LRBA: variants seen among roughly 807,000 people sequenced by gnomAD.
The protein encoded by LRBA is LPS responsive beige-like anchor protein.
LRBA carries 176 observed loss-of-function variants against 330.0 expected under a neutral mutation model. The observed-to-expected ratio is 0.53, with a 90% confidence interval of 0.47 to 0.60. LRBA has a LOEUF of 0.60. Ranked by LOEUF, LRBA falls within the 20% of genes least tolerant of loss-of-function variation. The pLI, the probability that LRBA is intolerant of heterozygous loss-of-function variation, is 0.00. For synonymous variants in LRBA, 1,230 were observed against 1,193.0 expected, an observed-to-expected ratio of 1.03 and a Z score of -0.64; for missense variants, 3,259 against 3,444.8, an observed-to-expected ratio of 0.95 and a Z score of 1.35.
intron 36 of LRBA, among the ~76,000 whole-genome samples, chr4:150,710,839 T>C (rs1303254269): frequency 6.6e-6 from 1 of 151,926 alleles, no homozygotes; most frequent in Admixed American, 6.6e-5. Flanking sequence ...GAGGCCCTTG[T>C]TTATTAGAAC....
chr4:150,775,809 A>G (rs1157829050), intron 34 of LRBA, among the ~76,000 whole-genome samples: 1 of 123,618 alleles, frequency 8.1e-6, no homozygotes, highest in African/African-American at 3.2e-5. Flanking sequence ...AAGAATGAAA[A>G]AAAAAAAAAA....
At chr4:150,981,268 C>G (rs1164331338) in intron 2 of LRBA, among the ~76,000 whole-genome samples, 1 of 151,912 alleles carries the variant, frequency 6.6e-6, no homozygotes, top group African/African-American at 2.4e-5. Flanking sequence ...AAAAAATTAG[C>G]CAGGTGTGCT....
chr4:150,754,667 C>T (rs4696222), intron 35 of LRBA, among the ~76,000 whole-genome samples: 126,673 of 152,066 alleles, frequency 0.83, 53,994 homozygotes, highest in Non-Finnish European at 0.94. Flanking sequence ...CAGTAACTCA[C>T]GCCTGTAATC....
At chr4:150,674,674 T>C (rs563227575) in intron 37 of LRBA, among the ~76,000 whole-genome samples, 5 of 152,220 alleles carry the variant, frequency 3.3e-5, no homozygotes, top group African/African-American at 1.2e-4. Flanking sequence ...GCCAGCAGTT[T>C]AAGACCAGCC....
chr4:150,310,153 G>A, intron 52 of LRBA, 76 bp downstream of exon 52: 1 of 980,186 alleles, frequency 1.0e-6, no homozygotes, highest in South Asian at 1.6e-5. Context: ...GAAGGAAGCA[G>A]ATAAGAATGC....
chr4:150,459,468 G>A (rs1754489461), intron 44 of LRBA, among the ~76,000 whole-genome samples: 1 of 151,904 alleles, frequency 6.6e-6, no homozygotes, highest in South Asian at 2.1e-4. Context: ...ATCAAATCCT[G>A]AGCTTACCAC....
chr4:150,590,906 A>C (rs1445924823), intron 38 of LRBA, 47 bp from the exon 39 acceptor site: 1 of 1,595,560 alleles, frequency 6.3e-7, no homozygotes, highest in Non-Finnish European at 8.5e-7. Context: ...TGGGAAGAGC[A>C]CTTCGGCAGA....
intron 2 of LRBA, among the ~76,000 whole-genome samples, chr4:150,944,744 C>A (rs944970953): frequency 6.6e-6 from 1 of 152,168 alleles, no homozygotes; most frequent in Non-Finnish European, 1.5e-5. Flanking sequence ...TGACTCTATA[C>A]ATCTGAATAC....
At chr4:150,874,010 T>C (rs1579063379) in intron 17 of LRBA, among the ~76,000 whole-genome samples, 2 of 152,308 alleles carry the variant, frequency 1.3e-5, no homozygotes, top group East Asian at 3.9e-4. Context: ...TGTTGTATGT[T>C]TCTTTTCTTC....
intron 2 of LRBA, among the ~76,000 whole-genome samples, chr4:150,966,507 T>C (rs1215858587): frequency 6.6e-6 from 1 of 150,900 alleles, no homozygotes; most frequent in East Asian, 1.9e-4. Flanking sequence ...TGGTAATTTT[T>C]GGTAGAGACG....
intron 44 of LRBA, among the ~76,000 whole-genome samples, chr4:150,437,505 C>G (rs6535737): frequency 0.026 from 3,596 of 136,026 alleles, 149 homozygotes; most frequent in African/African-American, 0.085. Context: ...CTCTCTCTCT[C>G]TCTATATATA....
intron 2 of LRBA, among the ~76,000 whole-genome samples, chr4:150,966,526 C>A (rs1738913527): frequency 6.8e-6 from 1 of 146,728 alleles, no homozygotes; most frequent in Non-Finnish European, 1.5e-5. Context: ...CGGGGTTTCA[C>A]CATGTTAGCC....
intron 37 of LRBA, among the ~76,000 whole-genome samples, chr4:150,621,170 C>T (rs962775787): frequency 6.6e-6 from 1 of 151,924 alleles, no homozygotes; most frequent in African/African-American, 2.4e-5. Context: ...AAAGCAATTG[C>T]ATGAAAATGG....
chr4:150,602,505 G>C (rs555299347), intron 37 of LRBA, among the ~76,000 whole-genome samples: 21 of 152,186 alleles, frequency 1.4e-4, no homozygotes, highest in African/African-American at 4.8e-4. Flanking sequence ...TGGGCCTAAA[G>C]TACAATGTTT....
intron 2 of LRBA, among the ~76,000 whole-genome samples, chr4:151,009,014 TATATATATATATAA>T (rs1192696711): frequency 0.043 from 1,591 of 36,810 alleles, 351 homozygotes; most frequent in Non-Finnish European, 0.062. Context: ...TATATATATA[TATATATATATATAA>T]AATGGTATTT....
chr4:150,983,365 G>A (rs1741068063), intron 2 of LRBA, among the ~76,000 whole-genome samples: 1 of 151,772 alleles, frequency 6.6e-6, no homozygotes, highest in African/African-American at 2.4e-5. Context: ...TGAGGCAGAA[G>A]GAATGCTTGA....
intron 47 of LRBA, among the ~76,000 whole-genome samples, chr4:150,375,527 G>A (rs188822227): frequency 1.8e-3 from 266 of 151,796 alleles, no homozygotes; most frequent in African/African-American, 6.2e-3. Flanking sequence ...GCATGATGTC[G>A]GCTCACTGCA....
At chr4:150,669,531 T>G (rs1281621094) in intron 37 of LRBA, among the ~76,000 whole-genome samples, 2 of 152,158 alleles carry the variant, frequency 1.3e-5, no homozygotes, top group Non-Finnish European at 2.9e-5. Context: ...TACTGACCAT[T>G]TGTTTTGTGA....
intron 40 of LRBA, chr4:150,579,143 G>A: frequency 2.3e-6 from 1 of 441,676 alleles, no homozygotes; most frequent in Non-Finnish European, 4.5e-6. Context: ...ATAGAATATA[G>A]TATCTCCTGC....
Sources: gnomAD v4.1 joint callset for allele counts (sites outside exome capture counted in the v4.1 genomes callset) on GRCh38, gnomAD v4.1.1 for gene constraint, MANE v1.5 for transcripts, NCBI Gene and HGNC (gene_info 2026-07-23, HGNC 2026-07-21) for gene names.